Variants in SMYD3 observed in about 807,000 individuals in gnomAD.
SMYD3 encodes histone-lysine N-methyltransferase SMYD3.
SMYD3 carries 36 observed loss-of-function variants against 57.7 expected under a neutral mutation model. The ratio of observed to expected loss-of-function variants is 0.62; its 90% CI spans 0.48 to 0.82. The LOEUF is 0.82. Ranked by LOEUF, SMYD3 falls within the 40% of genes least tolerant of loss-of-function variation. SMYD3 has a pLI of 0.00. For missense variants in SMYD3, 515 were observed against 538.8 expected (o/e 0.96, Z 0.44); for synonymous variants, 211 against 195.0 (o/e 1.08, Z -0.68).
At chr1:246,441,782 TTA>T (rs951209741) in intron 1 of SMYD3, among the ~76,000 whole-genome samples, 5 of 152,144 alleles carry the variant, frequency 3.3e-5, no homozygotes, top group African/African-American at 1.2e-4. Flanking sequence ...CAGCTAATTT[TTA>T]TGTTTTTAGT....
chr1:246,465,362 T>C (rs955776223), intron 1 of SMYD3, among the ~76,000 whole-genome samples: 1 of 152,220 alleles, frequency 6.6e-6, no homozygotes, highest in African/African-American at 2.4e-5. Context: ...AATAATGCAC[T>C]TGTAGGACTA....
chr1:245,817,151 G>A (rs1302077470), intron 10 of SMYD3, among the ~76,000 whole-genome samples: 5 of 150,322 alleles, frequency 3.3e-5, no homozygotes, highest in African/African-American at 1.2e-4. Flanking sequence ...GTCCCTGTCT[G>A]ACAGCTTTGA....
intron 1 of SMYD3, among the ~76,000 whole-genome samples, chr1:246,391,130 A>C (rs1245428944): frequency 6.6e-6 from 1 of 151,778 alleles, no homozygotes; most frequent in Non-Finnish European, 1.5e-5. Flanking sequence ...TCATGTCTAT[A>C]ATTTCAACAC....
At chr1:246,253,928 C>T (rs1032286901) in intron 5 of SMYD3, among the ~76,000 whole-genome samples, 11 of 152,292 alleles carry the variant, frequency 7.2e-5, no homozygotes, top group African/African-American at 2.2e-4. Context: ...CCTCCAATGG[C>T]GTTCCACAGT....
chr1:246,399,614 G>A (rs1278331015), intron 1 of SMYD3, among the ~76,000 whole-genome samples: 1 of 152,138 alleles, frequency 6.6e-6, no homozygotes, highest in African/African-American at 2.4e-5. Flanking sequence ...AATAGTGCTG[G>A]GACTACAGGC....
chr1:245,884,255 T>C (rs1460372128), intron 8 of SMYD3, among the ~76,000 whole-genome samples: 2 of 152,184 alleles, frequency 1.3e-5, no homozygotes, highest in Non-Finnish European at 2.9e-5. Context: ...TGCAGCATGG[T>C]TGTCTGGGGT....
intron 5 of SMYD3, among the ~76,000 whole-genome samples, chr1:245,990,660 G>A (rs2058795311): frequency 6.6e-6 from 1 of 152,230 alleles, no homozygotes; most frequent in Non-Finnish European, 1.5e-5. Context: ...AAGGGATCAG[G>A]AGCCAAGAAA....
At chr1:246,259,726 A>G (rs1266831214) in intron 5 of SMYD3, among the ~76,000 whole-genome samples, 1 of 152,230 alleles carries the variant, frequency 6.6e-6, no homozygotes, top group Non-Finnish European at 1.5e-5. Context: ...CTCAGCCCCA[A>G]GGGCATGGGG....
At chr1:246,377,295 A>G (rs184791297) in intron 1 of SMYD3, among the ~76,000 whole-genome samples, 25 of 152,152 alleles carry the variant, frequency 1.6e-4, no homozygotes, top group Non-Finnish European at 1.5e-5. Flanking sequence ...TCTTCATTCA[A>G]TCTACTGCAA....
intron 5 of SMYD3, among the ~76,000 whole-genome samples, chr1:246,313,910 T>C (rs2065118195): frequency 6.6e-6 from 1 of 152,178 alleles, no homozygotes; most frequent in African/African-American, 2.4e-5. Context: ...AAAGACTCAA[T>C]CTGGAGGGCT....
intron 1 of SMYD3, among the ~76,000 whole-genome samples, chr1:246,486,542 A>G (rs190779125): frequency 2.0e-5 from 3 of 152,296 alleles, no homozygotes; most frequent in Non-Finnish European, 1.5e-5. Flanking sequence ...GGATTAAGTC[A>G]TTTGCTCTTC....
chr1:246,072,277 A>T, intron 5 of SMYD3, among the ~76,000 whole-genome samples: 1 of 139,726 alleles, frequency 7.2e-6, no homozygotes, highest in African/African-American at 2.6e-5. Flanking sequence ...CACTGTGCTC[A>T]CTGTGGATGC....
chr1:246,136,918 A>G (rs1484088361), intron 5 of SMYD3, among the ~76,000 whole-genome samples: 1 of 152,200 alleles, frequency 6.6e-6, no homozygotes, highest in Non-Finnish European at 1.5e-5. Context: ...CCTAACTAAA[A>G]GCAATGAGAG....
chr1:246,310,232 G>C (rs1003112534), intron 5 of SMYD3, among the ~76,000 whole-genome samples: 1 of 150,572 alleles, frequency 6.6e-6, no homozygotes, highest in Non-Finnish European at 1.5e-5. Flanking sequence ...ATTCTTCATA[G>C]AGGACAAGAG....
intron 1 of SMYD3, among the ~76,000 whole-genome samples, chr1:246,442,880 G>C (rs1248454700): frequency 6.6e-6 from 1 of 152,098 alleles, no homozygotes; most frequent in Admixed American, 6.5e-5. Flanking sequence ...CCCTGGGAAG[G>C]ACGGTTAGTT....
chr1:246,027,122 C>T (rs937879895), intron 5 of SMYD3, among the ~76,000 whole-genome samples: 1 of 152,156 alleles, frequency 6.6e-6, no homozygotes, highest in African/African-American at 2.4e-5. Flanking sequence ...CCCTAACTTG[C>T]TTAAATTCTA....
chr1:246,173,138 CA>C (rs1345999330), intron 5 of SMYD3, among the ~76,000 whole-genome samples: 1 of 151,122 alleles, frequency 6.6e-6, no homozygotes, highest in African/African-American at 2.4e-5. Flanking sequence ...AGGCCTAGAA[CA>C]CTCACTGTTC....
intron 8 of SMYD3, among the ~76,000 whole-genome samples, chr1:245,897,665 C>A (rs111733444): frequency 6.6e-6 from 1 of 152,044 alleles, no homozygotes; most frequent in Non-Finnish European, 1.5e-5. Flanking sequence ...GAGGCCAGGG[C>A]GGGTGGATCA....
At chr1:245,778,186 T>C (rs987940317) in intron 10 of SMYD3, among the ~76,000 whole-genome samples, 4 of 152,156 alleles carry the variant, frequency 2.6e-5, no homozygotes, top group African/African-American at 9.7e-5. Context: ...AAAATTTATA[T>C]GGAAACACAA....
Sources: gnomAD v4.1 joint callset for allele counts (sites outside exome capture counted in the v4.1 genomes callset) on GRCh38, gnomAD v4.1.1 for gene constraint, MANE v1.5 for transcripts, NCBI Gene and HGNC (gene_info 2026-07-23, HGNC 2026-07-21) for gene names.